The following FAM20C variants were observed in gnomAD, a reference collection of about 807,000 sequenced individuals.
The protein encoded by FAM20C is extracellular serine/threonine protein kinase FAM20C.
FAM20C carries 40 observed loss-of-function variants against 51.5 expected under a neutral mutation model. The observed-to-expected ratio is 0.78, with a 90% CI of 0.60 to 1.01. The LOEUF (loss-of-function observed/expected upper bound fraction) is 1.01. Ranked by LOEUF, FAM20C falls within the 50% of genes least tolerant of loss-of-function variation. The pLI is 0.00. For synonymous variants in FAM20C, 406 were observed against 380.6 expected (o/e 1.07, Z -0.78); for missense variants, 861 against 844.7 (o/e 1.02, Z -0.24).
At chr7:232,778 C>T (rs923779183) in intron 3 of FAM20C, among the ~76,000 whole-genome samples, 8 of 152,304 alleles carry the variant, frequency 5.3e-5, no homozygotes, top group Admixed American at 1.3e-4. Context: ...TCGGCCGTGC[C>T]GGGATCGTGT....
intron 4 of FAM20C, 82 bp from the exon 5 acceptor site, chr7:248,233 C>G (rs1361680866): frequency 2.6e-5 from 26 of 992,142 alleles, no homozygotes; most frequent in Non-Finnish European, 2.2e-5. Flanking sequence ...CCTCCCCTGC[C>G]CCGTTCTTAT....
chr7:258,198 AGG>A (rs1788701361), intron 8 of FAM20C, among the ~76,000 whole-genome samples: 1 of 56,946 alleles, frequency 1.8e-5, no homozygotes, highest in Non-Finnish European at 3.5e-5. Context: ...GGAGATAGGC[AGG>A]GTGGACCCAC....
chr7:231,559 G>A (rs1043158506), intron 3 of FAM20C, among the ~76,000 whole-genome samples: 3 of 152,062 alleles, frequency 2.0e-5, no homozygotes, highest in African/African-American at 7.3e-5. Flanking sequence ...GGTTCTGGCT[G>A]AGGTCATCCA....
intron 5 of FAM20C, among the ~76,000 whole-genome samples, chr7:249,458 G>C (rs1788309768): frequency 6.6e-6 from 1 of 152,240 alleles, no homozygotes. Context: ...CCTGACATTT[G>C]GGCTGGGCGT....
At chr7:195,776 G>T (rs771316261) in intron 2 of FAM20C, 44 bp downstream of exon 2, 2 of 1,488,700 alleles carry the variant, frequency 1.3e-6, no homozygotes, top group South Asian at 2.8e-5. Context: ...TGTGCCGGCT[G>T]TGTGGCATCA....
Position 193,019 on chromosome 7 carries a change from A to C in FAM20C, c.-181A>C. The C allele has an allele frequency of 3.6e-6, 1 of 274,078 alleles. No homozygotes were observed. 17.0% of individuals were successfully genotyped at this position (274,078 alleles called of 1,614,324 possible). The stretch of plus-strand genomic sequence containing the variant: ...GGGACGGGCCCGAGATGGCGCGGGG[A>C]CCCAGCGCTCCGGCGGCGGGCGCCC... On this transcript the variant is annotated 5_prime_UTR_variant, in exon 1 of 10. Coordinates refer to ENST00000313766, the MANE Select transcript of FAM20C (RefSeq NM_020223.4).
At chr7:251,199 CT>C (rs1241980629) in intron 5 of FAM20C, among the ~76,000 whole-genome samples, 2 of 150,048 alleles carry the variant, frequency 1.3e-5, no homozygotes, top group Admixed American at 6.6e-5. Flanking sequence ...GGCACGGCGG[CT>C]CACGGCTGCA....
intron 3 of FAM20C, among the ~76,000 whole-genome samples, chr7:216,976 C>A (rs927871743): frequency 1.3e-5 from 2 of 152,094 alleles, no homozygotes; most frequent in African/African-American, 4.8e-5. Flanking sequence ...CCACCCTGAA[C>A]GGCCTCATCC....
chr7:216,650 T>A (rs1395676914), intron 3 of FAM20C, among the ~76,000 whole-genome samples: 1 of 143,760 alleles, frequency 7.0e-6, no homozygotes, highest in Non-Finnish European at 1.5e-5. Flanking sequence ...TGAGTGTGTG[T>A]GAGTGTGTGT....
intron 2 of FAM20C, 122 bp downstream of exon 2, chr7:195,854 T>A: frequency 1.0e-6 from 1 of 987,248 alleles, no homozygotes; most frequent in Admixed American, 4.0e-5. Context: ...CAGCGTCACC[T>A]CCTGCAGCAA....
At chr7:200,035 A>G (rs1393362003) in intron 2 of FAM20C, among the ~76,000 whole-genome samples, 4 of 152,258 alleles carry the variant, frequency 2.6e-5, no homozygotes, top group African/African-American at 9.6e-5. Context: ...AAGGGGAAGA[A>G]TGAGTCCAGC....
chr7:258,876 G>A (rs547694266), intron 9 of FAM20C, among the ~76,000 whole-genome samples, 171 bp downstream of exon 9: 18 of 152,212 alleles, frequency 1.2e-4, no homozygotes, highest in African/African-American at 4.3e-4. Flanking sequence ...GCGGCCTGGA[G>A]GCGCAGACCT....
Position 259,892 on chromosome 7 carries a change from C to G in FAM20C, c.1667C>G (p.Ala556Gly). The stretch of plus-strand genomic sequence containing the variant: ...CGGCGGCTCCGCGTCGTGCTAAAGG[C>G]CGTCCGGGACTGCGTGGAGAGGAAC... ...LDRRLRVVLK[A>G]VRDCVERNGL... The change falls in exon 10 of 10, where the codon GCC (alanine) becomes GGC (glycine). Residue 556 changes from alanine (A) to glycine (G), a missense_variant. This residue lies in a region of FAM20C where 269 missense variants were observed against 283.8 expected (regional missense o/e 0.95). Coordinates refer to ENST00000313766, the MANE Select transcript of FAM20C (RefSeq NM_020223.4). 10 of 1,535,764 alleles carry G rather than the reference C, an allele frequency of 6.5e-6. No homozygotes were observed. Among genetic ancestry groups the G allele is most frequent in the Non-Finnish European group, 8.7e-6 (10 of 1,146,432 alleles).
intron 8 of FAM20C, chr7:257,339 C>G (rs1583345464): frequency 1.9e-6 from 1 of 528,964 alleles, no homozygotes; most frequent in African/African-American, 1.9e-5. Context: ...CTGGTGTTAC[C>G]TGGGAAACGG....
chr7:228,581 C>T (rs1308472149), intron 3 of FAM20C: 3 of 456,250 alleles, frequency 6.6e-6, no homozygotes, highest in Admixed American at 4.7e-5. Flanking sequence ...CCCCAGCTCT[C>T]CTCTGAGGGC....
intron 5 of FAM20C, among the ~76,000 whole-genome samples, chr7:250,663 G>A (rs148575535): frequency 0.24 from 36,877 of 152,072 alleles, 4,687 homozygotes; most frequent in Middle Eastern, 0.34. Context: ...CCCTTGGGTC[G>A]ACCCTGACCG....
intron 5 of FAM20C, among the ~76,000 whole-genome samples, chr7:253,510 A>G (rs1788476907): frequency 6.6e-6 from 1 of 151,458 alleles, no homozygotes; most frequent in South Asian, 2.1e-4. Flanking sequence ...TTTTATTATT[A>G]CTAAAATGGA....
Position 227,579 on chromosome 7 carries a change from T to C in FAM20C, c.863+18603T>C, listed in dbSNP as rs968011078. 5.3e-5 allele frequency: 8 copies of C among 152,288 alleles called. No individual in the cohort carries two copies. The East Asian group carries it at 9.7e-4, about 18-fold the overall frequency. The allele number at this position is 152,288 out of a possible 1,614,324, so 9.4% of individuals were successfully genotyped here. On this transcript the variant is annotated intron_variant, in intron 3 of 9. Transcript: ENST00000313766. ...AGTAGTTAGTAGCAGCTTACCCTTTTATTACTTTGAAATGAAAGGAAGCAT... is the reference window on the plus strand; with the variant it reads ...AGTAGTTAGTAGCAGCTTACCCTTTCATTACTTTGAAATGAAAGGAAGCAT...
chr7:258,710 A>G lies in FAM20C; in HGVS notation c.1505+5A>G, dbSNP rs794727975. ...GCCGCTACAGCAGTGCTGCAGGTAC[A>G]GCCCCTGCCGGAGCCGGCTCCAGCT... is the stretch of plus-strand genomic sequence containing the variant. On this transcript the variant is annotated splice_donor_5th_base_variant and intron_variant, in intron 9 of 9. Transcript: ENST00000313766. The G allele has an allele frequency of 1.8e-5, 27 of 1,534,722 alleles. No individual in the cohort carries two copies. In the African/African-American group the frequency reaches 2.9e-4, roughly 16 times the overall value.
Sources: allele counts gnomAD v4.1 joint callset (sites outside exome capture counted in the v4.1 genomes callset), GRCh38; gene constraint gnomAD v4.1.1; regional missense constraint gnomAD v4.1.1; transcripts MANE v1.5; gene names NCBI Gene and HGNC (gene_info 2026-07-23, HGNC 2026-07-21).